The following MPP7 variants were observed in gnomAD, a reference collection of about 807,000 sequenced individuals.
MPP7 encodes the protein MAGUK p55 subfamily member 7.
MPP7 carries 60 observed loss-of-function variants against 76.5 expected under a neutral mutation model. The ratio of observed to expected loss-of-function variants is 0.78; its 90% confidence interval spans 0.64 to 0.97. MPP7 has a LOEUF of 0.97. MPP7 is among the 50% of genes least tolerant of loss of function. MPP7 has a pLI of 0.00. For synonymous variants in MPP7, 237 were observed against 244.5 expected (o/e 0.97, Z 0.29); for missense variants, 641 against 694.0 (o/e 0.92, Z 0.86).
Position 28,155,842 on chromosome 10 carries a change from T to C in MPP7, c.157-5783A>G, listed in dbSNP as rs531460462. 4.2e-4 allele frequency among the ~76,000 whole-genome samples: 64 copies of C among 152,186 alleles called. 1 individual carries two copies. Among genetic ancestry groups the C allele is most frequent in the Non-Finnish European group, 6.6e-4 (45 of 68,028 alleles). ...AGATGACTTTGGGGTTCCTCAGGTT[T>C]CCCTTTCTTTGCAAACACAATGGAC... is the stretch of plus-strand genomic sequence containing the variant. On this transcript the variant is annotated intron_variant, in intron 3 of 16. Coordinates refer to ENST00000683449, the MANE Select transcript of MPP7 (RefSeq NM_001318170.2).
upstream of MPP7, chr10:28,334,542 CA>C (rs1174016813): frequency 1.3e-5 from 2 of 152,216 alleles, no homozygotes; most frequent in Non-Finnish European, 2.9e-5. Flanking sequence ...TGTTTATACT[CA>C]AGTCAATGTG....
chr10:28,068,499 A>T (rs1351245258), intron 13 of MPP7, among the ~76,000 whole-genome samples: 1 of 152,182 alleles, frequency 6.6e-6, no homozygotes, highest in Non-Finnish European at 1.5e-5. Context: ...TCAACATATT[A>T]AGTAGTCAAA....
intron 1 of MPP7, among the ~76,000 whole-genome samples, chr10:28,270,418 G>A (rs137971846): frequency 1.4e-3 from 218 of 151,656 alleles, no homozygotes; most frequent in East Asian, 0.014. Context: ...CAGGGCAGTG[G>A]CACCCACCTG....
At chr10:28,079,499 AAAAC>A (rs1852659435) in intron 12 of MPP7, among the ~76,000 whole-genome samples, 1 of 152,186 alleles carries the variant, frequency 6.6e-6, no homozygotes. Flanking sequence ...AAACAAAACA[AAAAC>A]AAACAAAAAA....
At chr10:28,148,741 A>G (rs1453575959) in intron 4 of MPP7, among the ~76,000 whole-genome samples, 11 of 152,178 alleles carry the variant, frequency 7.2e-5, no homozygotes, top group Admixed American at 7.2e-4. Flanking sequence ...CTGACAAATT[A>G]TAAGATACTA....
At chr10:28,306,503 C>A (rs1283025553), upstream of MPP7, among the ~76,000 whole-genome samples, 1 of 151,992 alleles carries the variant, frequency 6.6e-6, no homozygotes, top group African/African-American at 2.4e-5. Flanking sequence ...TAAAAATTAG[C>A]CAGGTTTGGT....
intron 2 of MPP7, chr10:28,203,073 T>C (rs566228414): frequency 5.9e-5 from 9 of 152,270 alleles, no homozygotes; most frequent in African/African-American, 2.2e-4. Flanking sequence ...CGAGACTCTT[T>C]AGGGAGGTGA....
At chr10:28,111,910 T>A (rs996110591) in intron 11 of MPP7, among the ~76,000 whole-genome samples, 2 of 152,014 alleles carry the variant, frequency 1.3e-5, no homozygotes, top group Non-Finnish European at 2.9e-5. Context: ...TCAGAGCAAA[T>A]AGGAGTGATC....
chr10:28,317,891 A>G (rs532017599), intron 2 of MPP7, among the ~76,000 whole-genome samples: 2 of 152,348 alleles, frequency 1.3e-5, no homozygotes, highest in Admixed American at 6.5e-5. Flanking sequence ...TGCTGCTTCG[A>G]TTAGAGCAAG....
intron 1 of MPP7, among the ~76,000 whole-genome samples, chr10:28,245,097 T>C (rs1839389588): frequency 6.6e-6 from 1 of 152,192 alleles, no homozygotes; most frequent in Admixed American, 6.5e-5. Context: ...CTAAAAAGTC[T>C]TGGCTAAATC....
chr10:28,333,364 C>T (rs1564775326), intron 1 of MPP7, among the ~76,000 whole-genome samples: 1 of 152,098 alleles, frequency 6.6e-6, no homozygotes, highest in Non-Finnish European at 1.5e-5. Context: ...AGGCTGGTCT[C>T]GAACTCCTGA....
intron 3 of MPP7, among the ~76,000 whole-genome samples, chr10:28,177,323 A>G (rs113483748): frequency 0.03 from 4,521 of 150,374 alleles, 85 homozygotes; most frequent in South Asian, 0.059. Context: ...CAGGAGAATC[A>G]CTTGAAACAA....
At chr10:28,078,433 G>A (rs909819156) in intron 12 of MPP7, among the ~76,000 whole-genome samples, 1 of 152,160 alleles carries the variant, frequency 6.6e-6, no homozygotes, top group Admixed American at 6.5e-5. Flanking sequence ...TCTCAATTCA[G>A]GACTGAGGAA....
At chr10:28,263,908 C>T (rs1175990244) in intron 1 of MPP7, among the ~76,000 whole-genome samples, 2 of 151,762 alleles carry the variant, frequency 1.3e-5, no homozygotes, top group Non-Finnish European at 2.9e-5. Flanking sequence ...GTAGGGAAAG[C>T]GTTCTAGCTC....
At position 28,120,678 on chromosome 10, in the gene MPP7, G is replaced by C. The variant is rs756280880; in HGVS notation, c.616-10C>G. 4.3e-6 allele frequency: 7 copies of C among 1,609,734 alleles called. No homozygotes were observed. The highest frequency in any genetic ancestry group is 5.1e-6 in the Non-Finnish European group (6 of 1,176,450). ...CTCCCTGAGACTGAGCCTGGTAACA[G>C]ATAAAACAAGGAGTTATAAGAAAAC... On this transcript the variant is annotated splice_polypyrimidine_tract_variant and intron_variant, in intron 8 of 16. Transcript: ENST00000683449.
intron 1 of MPP7, among the ~76,000 whole-genome samples, chr10:28,249,834 T>C (rs1380886833): frequency 6.6e-6 from 1 of 152,196 alleles, no homozygotes; most frequent in Non-Finnish European, 1.5e-5. Flanking sequence ...CTCTCTGGAA[T>C]GGCTCCACTT....
chr10:28,102,073 A>C (rs1370733369), intron 11 of MPP7, among the ~76,000 whole-genome samples: 1 of 139,208 alleles, frequency 7.2e-6, no homozygotes, highest in Non-Finnish European at 1.5e-5. Flanking sequence ...TTCAACTTTA[A>C]ATGGTGTAAA....
chr10:28,327,736 T>C (rs1442205532), intron 2 of MPP7, among the ~76,000 whole-genome samples: 1 of 152,218 alleles, frequency 6.6e-6, no homozygotes, highest in Non-Finnish European at 1.5e-5. Context: ...GAAAATTTTA[T>C]TCCCAAATCA....
chr10:28,286,809 A>G (rs555012217), intron 1 of MPP7, among the ~76,000 whole-genome samples: 2 of 151,614 alleles, frequency 1.3e-5, no homozygotes, highest in East Asian at 1.9e-4. Flanking sequence ...TCACAGTGGG[A>G]AAAAAAAAGG....
Sources: gnomAD v4.1 joint callset for allele counts (sites outside exome capture counted in the v4.1 genomes callset) on GRCh38, gnomAD v4.1.1 for gene constraint, MANE v1.5 for transcripts, NCBI Gene and HGNC (gene_info 2026-07-23, HGNC 2026-07-21) for gene names.